The following FAT1 variants were observed in gnomAD, a reference collection of about 807,000 sequenced individuals.
FAT1 encodes protocadherin Fat 1.
A neutral mutation model predicts 329.8 loss-of-function variants in FAT1; 171 were observed. That is an observed-to-expected ratio of 0.52 (90% CI 0.46 to 0.59). The LOEUF is 0.59. FAT1 is among the 20% of genes least tolerant of loss of function. The probability of loss-of-function intolerance (pLI) is 0.00; values close to 1 mark genes in which losing one functional copy is unlikely to be tolerated. For missense variants in FAT1, 5,672 were observed against 5,774.4 expected, an observed-to-expected ratio of 0.98 and a Z score of 0.57; for synonymous variants, 2,233 against 2,228.6, an observed-to-expected ratio of 1.00 and a Z score of -0.06.
chr4:186,708,948 T>C lies in FAT1; in HGVS notation c.880A>G (p.Ile294Val). ...GANGDIASLS[I>V]VAGDLLQQFR... ...TGCTGGAGAAGGTCACCTGCCACGA[T>C]GCTTAAAGATGCTATGTCACCATTG... Residue 294 changes from isoleucine (I) to valine (V), a missense_variant, in exon 2 of 27, where the codon ATC (isoleucine) becomes GTC (valine). Around this residue, in one of 2 missense-constraint regions of FAT1, gnomAD observed 3,966 missense variants for 3,915.2 expected, o/e 1.01. Transcript: ENST00000441802. 2.5e-6 allele frequency: 4 copies of C among 1,614,024 alleles called. No individual in the cohort carries two copies. The highest frequency in any genetic ancestry group is 1.1e-5 in the South Asian group (1 of 91,080).
At position 186,618,296 on chromosome 4, in the gene FAT1, T is replaced by C. The variant is rs2126493377; in HGVS notation, c.8290A>G (p.Lys2764Glu). Residue 2764 changes from lysine (K) to glutamate (E), a missense_variant, in exon 10 of 27, where the codon AAG becomes GAG. Lys to Glu is a moderately conservative substitution (Grantham distance 56). Transcript: ENST00000441802. The stretch of plus-strand genomic sequence containing the variant: ...TTAGTTGTCTCATGATCAAGACTCT[T>C]CTCCAACTTCAGTCTCCCGCTCTGT... ...DRQSGRLKLE[K>E]SLDHETTKWY... is the part of the protein sequence containing the mutation. The C allele has an allele frequency of 6.2e-7, 1 of 1,614,028 alleles. No homozygotes were observed. The highest frequency in any genetic ancestry group is 8.5e-7 in the Non-Finnish European group (1 of 1,179,890).
chr4:186,637,994 C>T (rs1740912137), intron 4 of FAT1, among the ~76,000 whole-genome samples: 1 of 152,122 alleles, frequency 6.6e-6, no homozygotes. Flanking sequence ...TTTAGAAAAA[C>T]AAGAAAGAGA....
rs1380799392 is a variant in FAT1 at position 186,663,349 on chromosome 4, T to G, written c.3530A>C (p.Lys1177Thr). The change falls in exon 3 of 27, where the codon AAA (lysine) becomes ACA (threonine). Residue 1177 changes from lysine to threonine, a missense_variant. This residue lies in a region of FAT1 where 3,966 missense variants were observed against 3,915.2 expected (regional missense o/e 1.01). Transcript: ENST00000441802. ...TCCTTGTGGATTTCCACTTGTAATT[T>G]TGTACATGAGCTTGTCATTAGAGCT... Reference protein sequence around the residue: ...DSSSNDKLMYKITSGNPQGFF... With the variant: ...DSSSNDKLMYTITSGNPQGFF... The G allele has an allele frequency of 1.2e-6, 2 of 1,614,068 alleles. No homozygotes were observed. Among genetic ancestry groups the G allele is most frequent in the East Asian group, 2.2e-5 (1 of 44,880 alleles).
At chr4:186,705,785 GT>G (rs1399083489) in intron 2 of FAT1, among the ~76,000 whole-genome samples, 3 of 152,186 alleles carry the variant, frequency 2.0e-5, no homozygotes, top group African/African-American at 7.2e-5. Context: ...GGAGGTCCCG[GT>G]TTCAGAACCT....
At chr4:186,639,051 T>C (rs1740974656) in intron 4 of FAT1, among the ~76,000 whole-genome samples, 1 of 152,234 alleles carries the variant, frequency 6.6e-6, no homozygotes, top group Non-Finnish European at 1.5e-5. Flanking sequence ...TATTTACTAT[T>C]AGCCAAAAAC....
intron 2 of FAT1, among the ~76,000 whole-genome samples, chr4:186,695,760 A>AACACACACACACACACAC (rs34932295): frequency 1.4e-5 from 2 of 141,234 alleles, no homozygotes; most frequent in Admixed American, 7.2e-5. Context: ...TTATATATAA[A>AACACACACACACACACAC]ACACACACAC....
intron 3 of FAT1, among the ~76,000 whole-genome samples, chr4:186,661,767 G>A (rs1030579197): frequency 1.1e-4 from 17 of 152,312 alleles, no homozygotes; most frequent in African/African-American, 3.6e-4. Context: ...CCGTCACTTG[G>A]AGCTGGTGGG....
rs1738529722 is a variant in FAT1 at position 186,596,647 on chromosome 4, G to A, written c.12893C>T (p.Ala4298Val). The A allele has an allele frequency of 6.2e-7, 1 of 1,611,044 alleles. No homozygotes were observed. Among genetic ancestry groups the A allele is most frequent in the Admixed American group, 1.7e-5 (1 of 59,794 alleles). ...TGGCGCCACGCTGCAGACCGCCACT[G>A]CTTTTCGGTGCCCGTGCACAGACTC... is the stretch of plus-strand genomic sequence containing the variant. The part of the protein sequence containing the change: ...NPESVHGHRK[A>V]VAVCSVAPNL... Residue 4298 changes from alanine to valine, a missense_variant, in exon 25 of 27, where the codon GCA becomes GTA. Physicochemically the swap from Ala to Val is moderately conservative, Grantham distance 64. Coordinates refer to ENST00000441802, the MANE Select transcript of FAT1 (RefSeq NM_005245.4). This position sits in a 1 kb window ranked among gnomAD's most constrained non-coding sequence, Gnocchi z 4.7.
chr4:186,621,862 T>A, intron 9 of FAT1, 87 bp from the exon 10 acceptor site: 1 of 793,072 alleles, frequency 1.3e-6, no homozygotes, highest in Non-Finnish European at 1.9e-6. Context: ...AAAGTATCCT[T>A]AAAAATTATA....
intron 2 of FAT1, among the ~76,000 whole-genome samples, chr4:186,696,087 G>A (rs1479685950): frequency 6.6e-6 from 1 of 152,080 alleles, no homozygotes; most frequent in Non-Finnish European, 1.5e-5. Context: ...CACAGCGCCC[G>A]GCCATAGGCC....
chr4:186,595,604 G>A (rs904705919), intron 26 of FAT1, 85 bp downstream of exon 26: 4 of 1,456,048 alleles, frequency 2.7e-6, no homozygotes, highest in Non-Finnish European at 3.8e-6. Context: ...AGGCTTTAAG[G>A]GTAGATAGTG....
intron 1 of FAT1, among the ~76,000 whole-genome samples, chr4:186,714,146 G>T (rs543099989): frequency 6.6e-6 from 1 of 152,312 alleles, no homozygotes; most frequent in African/African-American, 2.4e-5. Flanking sequence ...GGGCAGCCAG[G>T]GCAGAAGCTG....
intron 2 of FAT1, among the ~76,000 whole-genome samples, chr4:186,692,038 G>A (rs920590889): frequency 1.3e-5 from 2 of 151,890 alleles, no homozygotes; most frequent in African/African-American, 4.8e-5. Context: ...CTCTGTTAAA[G>A]AAGGCCACAA....
At chr4:186,654,194 A>G (rs904255728) in intron 3 of FAT1, among the ~76,000 whole-genome samples, 2 of 152,222 alleles carry the variant, frequency 1.3e-5, no homozygotes, top group African/African-American at 4.8e-5. Context: ...TAAAATGAAG[A>G]AAATGTAAAT....
chr4:186,698,918 T>C (rs1203001206), intron 2 of FAT1, among the ~76,000 whole-genome samples: 1 of 152,232 alleles, frequency 6.6e-6, no homozygotes. Flanking sequence ...CGCGCTACTT[T>C]CCTTTAAAAA....
At chr4:186,719,408 G>A (rs144172554) in intron 1 of FAT1, among the ~76,000 whole-genome samples, 1 of 152,088 alleles carries the variant, frequency 6.6e-6, no homozygotes, top group Non-Finnish European at 1.5e-5. Context: ...TTTATATCAG[G>A]GACTTGAGCA....
chr4:186,625,100 T>C (rs1740236325), intron 9 of FAT1, among the ~76,000 whole-genome samples: 1 of 152,236 alleles, frequency 6.6e-6, no homozygotes, highest in Non-Finnish European at 1.5e-5. Context: ...ATGCACATGC[T>C]TCTACTCAGA....
rs2126682745 is a variant in FAT1, at chr4:186,706,718, A to G, written c.3110T>C (p.Phe1037Ser). ...ENLHPPVFSSFVEKGTVKEDA... is the reference protein window; with the variant it reads ...ENLHPPVFSSSVEKGTVKEDA... ...TTCTTTCACTGTCCCCTTTTCCACAAAGCTGGAAAACACGGGTGGGTGCAG... is the reference window on the plus strand; with the variant it reads ...TTCTTTCACTGTCCCCTTTTCCACAGAGCTGGAAAACACGGGTGGGTGCAG... Residue 1037 changes from phenylalanine (F) to serine (S), a missense_variant, in exon 2 of 27, where the codon TTT (phenylalanine) becomes TCT (serine). Transcript: ENST00000441802. 1 of 1,613,948 alleles carries G rather than the reference A, an allele frequency of 6.2e-7. No homozygotes were observed. The highest frequency in any genetic ancestry group is 8.5e-7 in the Non-Finnish European group (1 of 1,179,876).
chr4:186,724,206 G>T (rs111564553), upstream of FAT1, among the ~76,000 whole-genome samples: 21,157 of 117,106 alleles, frequency 0.18, 1,734 homozygotes, highest in Middle Eastern at 0.29. The surrounding 1 kb of genome is among the most constrained non-coding windows in gnomAD (Gnocchi z 5.3). Context: ...AAAAAAAAAA[G>T]GCTGGGGCCT....
Sources: gnomAD v4.1 joint callset for allele counts (sites outside exome capture counted in the v4.1 genomes callset) on GRCh38, gnomAD v4.1.1 for gene constraint, gnomAD v4.1.1 regional missense constraint, Gnocchi (gnomAD v3.1) non-coding constraint, MANE v1.5 for transcripts, NCBI Gene and HGNC (gene_info 2026-07-23, HGNC 2026-07-21) for gene names.